The following DNAH11 variants were observed in gnomAD, a reference collection of about 807,000 sequenced individuals.
The protein encoded by DNAH11 is dynein axonemal heavy chain 11.
A neutral mutation model predicts 526.0 loss-of-function variants in DNAH11; 442 were observed. The observed-to-expected ratio is 0.84, with a 90% CI of 0.78 to 0.91. The LOEUF is 0.91. Ranked by LOEUF, DNAH11 falls within the 40% of genes least tolerant of loss-of-function variation. The pLI is 0.00. For synonymous variants in DNAH11, 2,461 were observed against 1,935.9 expected (o/e 1.27, Z -7.12); for missense variants, 6,989 against 5,448.7 (o/e 1.28, Z -8.90).
intron 30 of DNAH11, among the ~76,000 whole-genome samples, chr7:21,676,411 C>T (rs1033145680): frequency 2.0e-5 from 3 of 152,234 alleles, no homozygotes; most frequent in African/African-American, 7.2e-5. Context: ...TATACAAGTA[C>T]AGTACTGACC....
chr7:21,786,626 C>T lies in DNAH11; in HGVS notation c.9600C>T (p.Val3200=), dbSNP rs1366257120. 5.6e-6 allele frequency: 9 copies of T among 1,610,706 alleles called. No individual in the cohort carries two copies. The South Asian group carries it at 7.7e-5, about 14-fold the overall frequency. The stretch of plus-strand genomic sequence containing the variant: ...TGTTTCTGTGTGCTTTTCTTCAGGT[C>T]AACCTCAGTGAGCTGAAAGCCTTTC... ...ATAALNTLNR[V]NLSELKAFPN... The change falls in exon 59 of 82, where the codon GTC becomes GTT. Residue 3200 remains valine (V), a splice_region_variant and synonymous_variant. Transcript: ENST00000409508.
At chr7:21,812,659 GAAAGA>G (rs1311769879) in intron 63 of DNAH11, among the ~76,000 whole-genome samples, 6 of 151,920 alleles carry the variant, frequency 3.9e-5, no homozygotes, top group Admixed American at 3.9e-4. Flanking sequence ...ATTTCAAAAA[GAAAGA>G]AAAGAGAGAG....
intron 68 of DNAH11, among the ~76,000 whole-genome samples, chr7:21,859,890 C>T (rs145640717): frequency 3.3e-4 from 50 of 152,188 alleles, no homozygotes; most frequent in African/African-American, 1.0e-3. Flanking sequence ...ACAACAACAA[C>T]GACAACAAAA....
intron 65 of DNAH11, among the ~76,000 whole-genome samples, chr7:21,819,804 T>TTACA (rs1789977758): frequency 1.3e-5 from 2 of 152,300 alleles, no homozygotes; most frequent in South Asian, 4.1e-4. Context: ...GAAACAGATT[T>TTACA]TACATAGAGC....
chr7:21,607,936 CAAAAAAAAAA>C (rs34293535), intron 20 of DNAH11, among the ~76,000 whole-genome samples: 1 of 68,648 alleles, frequency 1.5e-5, no homozygotes, highest in East Asian at 5.0e-4. Flanking sequence ...GACTTCATCT[CAAAAAAAAAA>C]AAAAAAAAAA....
At chr7:21,864,071 C>T (rs1159849721) in intron 69 of DNAH11, among the ~76,000 whole-genome samples, 1 of 152,114 alleles carries the variant, frequency 6.6e-6, no homozygotes, top group African/African-American at 2.4e-5. Context: ...TCATTCTTCT[C>T]AATATAATCT....
chr7:21,860,624 C>G (rs1346351435), intron 68 of DNAH11, among the ~76,000 whole-genome samples: 2 of 152,112 alleles, frequency 1.3e-5, no homozygotes, highest in Non-Finnish European at 2.9e-5. Flanking sequence ...TAAAAATGAA[C>G]AAATTTCTCA....
intron 81 of DNAH11, 124 bp from the exon 82 acceptor site, chr7:21,900,883 C>A: frequency 6.9e-7 from 1 of 1,451,130 alleles, no homozygotes; most frequent in South Asian, 1.6e-5. Flanking sequence ...GTAAAAATAC[C>A]ACTGACAAGC....
intron 68 of DNAH11, among the ~76,000 whole-genome samples, chr7:21,857,594 G>C (rs1030845470): frequency 6.6e-6 from 1 of 151,868 alleles, no homozygotes; most frequent in Non-Finnish European, 1.5e-5. Flanking sequence ...AAATCTACAC[G>C]AATCAAGATG....
chr7:21,888,854 T>C (rs918108887), intron 76 of DNAH11, among the ~76,000 whole-genome samples: 2 of 152,204 alleles, frequency 1.3e-5, no homozygotes, highest in Non-Finnish European at 2.9e-5. Flanking sequence ...TGAGCATGAT[T>C]CTATCGATTC....
chr7:21,647,402 C>G (rs540160511), intron 28 of DNAH11, among the ~76,000 whole-genome samples: 54 of 149,816 alleles, frequency 3.6e-4, no homozygotes, highest in African/African-American at 1.1e-3. Flanking sequence ...AGTAAGCAGA[C>G]AGTGGAGTAG....
At chr7:21,619,266 G>A in intron 24 of DNAH11, 44 bp downstream of exon 24, 1 of 1,590,146 alleles carries the variant, frequency 6.3e-7, no homozygotes, top group Non-Finnish European at 8.6e-7. Flanking sequence ...GCTAATTTTG[G>A]GTATTTGCAT....
Position 21,738,737 on chromosome 7 carries a change from A to G in DNAH11, c.7682A>G (p.His2561Arg), listed in dbSNP as rs758507449. 5.7e-6 allele frequency: 9 copies of G among 1,583,780 alleles called. No homozygotes were observed. The highest frequency in any genetic ancestry group is 4.7e-5 in the South Asian group (4 of 85,576). Residue 2561 changes from histidine to arginine, a missense_variant, in exon 47 of 82, where the codon CAT becomes CGT. Coordinates refer to ENST00000409508, the MANE Select transcript of DNAH11 (RefSeq NM_001277115.2). ...AAACCCCTAGAGAAAAAAGCTGGTC[A>G]TAACTATGGTCCTGGAGGAAATAAA... Reference protein sequence around the residue: ...LEKPLEKKAGHNYGPGGNKKL... With the variant: ...LEKPLEKKAGRNYGPGGNKKL...
chr7:21,893,203 A>G (rs1454259978), intron 77 of DNAH11, among the ~76,000 whole-genome samples: 1 of 152,234 alleles, frequency 6.6e-6, no homozygotes, highest in Non-Finnish European at 1.5e-5. Context: ...CTCTATACCC[A>G]GAAGTGGGAT....
At chr7:21,597,225 A>T (rs1259423811) in intron 14 of DNAH11, among the ~76,000 whole-genome samples, 2 of 152,188 alleles carry the variant, frequency 1.3e-5, no homozygotes, top group African/African-American at 4.8e-5. Flanking sequence ...TTTCTCATCA[A>T]TGTGACTGTA....
chr7:21,842,590 C>T lies in DNAH11; in HGVS notation c.10738C>T (p.Arg3580Cys), dbSNP rs72657399. The change falls in exon 66 of 82, where the codon CGC becomes TGC. Residue 3580 changes from arginine to cysteine, a missense_variant. Coordinates refer to ENST00000409508, the MANE Select transcript of DNAH11 (RefSeq NM_001277115.2). ...AGAATGTGAATTTAACAAGAACTTT[C>T]GCCTTATCCTTCACACAAAATTGGC... ...DKECEFNKNFRLILHTKLANP... is the reference protein window; with the variant it reads ...DKECEFNKNFCLILHTKLANP... 7 of 1,613,904 alleles carry T rather than the reference C, an allele frequency of 4.3e-6. No individual in the cohort carries two copies. The highest frequency in any genetic ancestry group is 1.6e-4 in the Middle Eastern group (1 of 6,062).
rs182389069 is a variant in DNAH11, at chr7:21,753,371, T to G, written c.8940+3007T>G. 2.4e-3 allele frequency among the ~76,000 whole-genome samples: 367 copies of G among 152,276 alleles called. 1 individual carries two copies. The highest frequency in any genetic ancestry group is 8.6e-3 in the African/African-American group (356 of 41,556). On this transcript the variant is annotated intron_variant, in intron 54 of 81. Coordinates refer to ENST00000409508, the MANE Select transcript of DNAH11 (RefSeq NM_001277115.2). Reference sequence around the variant, plus strand: ...GAGTCTGAGGGAGTAAATATTTAATTTGGGGACATTGCCTTTATGAGTACA... The same window carrying G: ...GAGTCTGAGGGAGTAAATATTTAATGTGGGGACATTGCCTTTATGAGTACA...
intron 66 of DNAH11, among the ~76,000 whole-genome samples, chr7:21,847,054 A>T (rs1209415957): frequency 3.9e-5 from 6 of 152,042 alleles, no homozygotes; most frequent in Non-Finnish European, 7.4e-5. Context: ...TTCATTTCTC[A>T]TACTAGTAAT....
At chr7:21,760,271 T>A (rs908119063) in intron 54 of DNAH11, among the ~76,000 whole-genome samples, 4 of 152,168 alleles carry the variant, frequency 2.6e-5, no homozygotes, top group African/African-American at 9.7e-5. Flanking sequence ...TGAAGCCTCC[T>A]ACAGAGAGTT....
Sources: allele counts gnomAD v4.1 joint callset (sites outside exome capture counted in the v4.1 genomes callset), GRCh38; gene constraint gnomAD v4.1.1; transcripts MANE v1.5; gene names NCBI Gene and HGNC (gene_info 2026-07-23, HGNC 2026-07-21).